Variants in KIAA1328 observed in about 807,000 individuals in gnomAD.
KIAA1328 encodes protein hinderin.
Under a neutral mutation model 68.1 loss-of-function variants are expected in KIAA1328, and 52 were observed. That is an observed-to-expected ratio of 0.76 (90% CI 0.61 to 0.96). The LOEUF (loss-of-function observed/expected upper bound fraction) is 0.96, where lower values mean the gene tolerates loss of function less well. KIAA1328 is among the 40% of genes least tolerant of loss of function. The probability of loss-of-function intolerance (pLI) is 0.00; values close to 1 mark genes in which losing one functional copy is unlikely to be tolerated. For synonymous variants in KIAA1328, 232 were observed against 239.4 expected, an observed-to-expected ratio of 0.97 and a Z score of 0.28; for missense variants, 641 against 677.6, an observed-to-expected ratio of 0.95 and a Z score of 0.60.
At chr18:37,058,594 C>A (rs141692616) in intron 6 of KIAA1328, among the ~76,000 whole-genome samples, 1 of 152,096 alleles carries the variant, frequency 6.6e-6, no homozygotes, top group East Asian at 1.9e-4. Context: ...CCCCTGTAGT[C>A]CCAACTACTT....
intron 6 of KIAA1328, among the ~76,000 whole-genome samples, chr18:36,962,739 A>G (rs2051741167): frequency 6.6e-6 from 1 of 152,232 alleles, no homozygotes; most frequent in Non-Finnish European, 1.5e-5. Flanking sequence ...AACGAAATGA[A>G]GGCAGAAATA....
At chr18:36,949,596 C>CG (rs2051060584) in intron 5 of KIAA1328, among the ~76,000 whole-genome samples, 1 of 18,812 alleles carries the variant, frequency 5.3e-5, no homozygotes, top group Non-Finnish European at 1.2e-4. Flanking sequence ...TTCTACCCAG[C>CG]TCCCCCCCCC....
At chr18:37,053,200 A>G (rs1166620430) in intron 6 of KIAA1328, among the ~76,000 whole-genome samples, 3 of 152,212 alleles carry the variant, frequency 2.0e-5, no homozygotes, top group African/African-American at 7.2e-5. Flanking sequence ...TAACCAACTT[A>G]TCTTCATCAA....
chr18:37,160,187 G>A lies in KIAA1328; in HGVS notation c.1233-13G>A, dbSNP rs764795726. On this transcript the variant is annotated splice_polypyrimidine_tract_variant and intron_variant, in intron 7 of 9. Transcript: ENST00000280020. The stretch of plus-strand genomic sequence containing the variant: ...CTGTGCCTTCAACAGTTCATTCATC[G>A]TTGTTCTTTCAGTTTATTGAAGTCA... 30 of 1,604,560 alleles carry A rather than the reference G, an allele frequency of 1.9e-5. No individual in the cohort carries two copies. The highest frequency in any genetic ancestry group is 1.3e-4 in the South Asian group (12 of 89,444).
At chr18:36,894,745 G>A (rs973779594) in intron 5 of KIAA1328, among the ~76,000 whole-genome samples, 1 of 151,940 alleles carries the variant, frequency 6.6e-6, no homozygotes, top group South Asian at 2.1e-4. Context: ...GGCTGGTCCC[G>A]AACTTCTGGG....
chr18:36,976,712 A>C (rs558194100), intron 6 of KIAA1328, among the ~76,000 whole-genome samples: 6 of 152,172 alleles, frequency 3.9e-5, no homozygotes, highest in South Asian at 4.1e-4. Flanking sequence ...GGAGTGGTAC[A>C]TTGTTTATTT....
chr18:37,023,463 C>T (rs540656813), intron 6 of KIAA1328, among the ~76,000 whole-genome samples: 8 of 152,076 alleles, frequency 5.3e-5, no homozygotes, highest in African/African-American at 1.9e-4. Context: ...AGAAGATCTT[C>T]GTATTTTTTT....
intron 5 of KIAA1328, among the ~76,000 whole-genome samples, chr18:36,895,173 A>G (rs1315803734): frequency 6.6e-6 from 1 of 152,134 alleles, no homozygotes; most frequent in Non-Finnish European, 1.5e-5. Context: ...GTATCTTCTT[A>G]TGGTTCTTTG....
At chr18:36,879,493 A>C (rs1026277257) in intron 4 of KIAA1328, among the ~76,000 whole-genome samples, 5 of 152,194 alleles carry the variant, frequency 3.3e-5, no homozygotes, top group Admixed American at 6.5e-5. Context: ...GTCAGGAGGC[A>C]TGGGGGTCAG....
chr18:37,046,260 T>C (rs1472685320), intron 6 of KIAA1328, among the ~76,000 whole-genome samples: 1 of 152,214 alleles, frequency 6.6e-6, no homozygotes, highest in Admixed American at 6.5e-5. Context: ...CTGGCTGTTA[T>C]CATTGAGAAA....
At chr18:36,835,477 C>T in intron 3 of KIAA1328, 101 bp downstream of exon 3, 2 of 1,095,988 alleles carry the variant, frequency 1.8e-6, no homozygotes, top group Non-Finnish European at 2.6e-6. Context: ...AGGTGATCAA[C>T]AAACATTCTT....
intron 4 of KIAA1328, among the ~76,000 whole-genome samples, chr18:36,867,633 A>T (rs1420233843): frequency 6.6e-6 from 1 of 152,214 alleles, no homozygotes; most frequent in Non-Finnish European, 1.5e-5. Context: ...TGTATCTTGG[A>T]GGGTTTAATT....
At chr18:37,165,365 C>T (rs755079645) in intron 8 of KIAA1328, among the ~76,000 whole-genome samples, 3 of 151,806 alleles carry the variant, frequency 2.0e-5, no homozygotes, top group South Asian at 2.1e-4. Flanking sequence ...AGTCTTTCAC[C>T]GTTAAGTATG....
intron 9 of KIAA1328, among the ~76,000 whole-genome samples, chr18:37,190,631 TTA>T (rs2059888357): frequency 6.6e-6 from 1 of 152,202 alleles, no homozygotes. Flanking sequence ...AGAGAGAAAG[TTA>T]TTATTCTTTC....
chr18:37,006,698 G>A (rs1195833130), intron 6 of KIAA1328, among the ~76,000 whole-genome samples: 1 of 151,904 alleles, frequency 6.6e-6, no homozygotes, highest in African/African-American at 2.4e-5. Flanking sequence ...GCCCCGGTGT[G>A]TGATGTTCCC....
At chr18:37,081,715 C>A (rs985089580) in intron 7 of KIAA1328, among the ~76,000 whole-genome samples, 1 of 152,134 alleles carries the variant, frequency 6.6e-6, no homozygotes, top group African/African-American at 2.4e-5. Flanking sequence ...GTTTTTTTCC[C>A]AAAAGGCAGA....
At chr18:37,050,773 G>A (rs1173621507) in intron 6 of KIAA1328, among the ~76,000 whole-genome samples, 1 of 152,202 alleles carries the variant, frequency 6.6e-6, no homozygotes, top group East Asian at 1.9e-4. Context: ...GGCAGTAACA[G>A]AGTTAGAGGA....
At chr18:36,834,901 G>A (rs565351702) in intron 2 of KIAA1328, among the ~76,000 whole-genome samples, 49 of 152,244 alleles carry the variant, frequency 3.2e-4, no homozygotes, top group African/African-American at 1.1e-3. Flanking sequence ...GGATGTGGTT[G>A]CTTGATCCTG....
At chr18:37,146,051 C>T (rs1032394721) in intron 7 of KIAA1328, among the ~76,000 whole-genome samples, 1 of 151,978 alleles carries the variant, frequency 6.6e-6, no homozygotes, top group Admixed American at 6.6e-5. Context: ...TCCTTTTCTG[C>T]TCCTTTTTTT....
Sources: gnomAD v4.1 joint callset for allele counts (sites outside exome capture counted in the v4.1 genomes callset) on GRCh38, gnomAD v4.1.1 for gene constraint, MANE v1.5 for transcripts, NCBI Gene and HGNC (gene_info 2026-07-23, HGNC 2026-07-21) for gene names.